The following PTPRD variants were observed in gnomAD, a reference collection of about 807,000 sequenced individuals.
PTPRD encodes protein tyrosine phosphatase receptor type D.
A neutral mutation model predicts 214.5 loss-of-function variants in PTPRD; 34 were observed. The ratio of observed to expected loss-of-function variants is 0.16; its 90% confidence interval spans 0.12 to 0.21. The LOEUF (loss-of-function observed/expected upper bound fraction) is 0.21, where lower values mean the gene tolerates loss of function less well. Ranked by LOEUF, PTPRD falls within the 10% of genes least tolerant of loss-of-function variation. The probability of loss-of-function intolerance (pLI) is 1.00; values close to 1 mark genes in which losing one functional copy is unlikely to be tolerated. For missense variants in PTPRD, 2,545 were observed against 2,398.7 expected (o/e 1.06, Z -1.27); for synonymous variants, 1,128 against 845.7 (o/e 1.33, Z -5.79).
chr9:9,057,456 T>C (rs1461427225), intron 10 of PTPRD, among the ~76,000 whole-genome samples: 1 of 152,194 alleles, frequency 6.6e-6, no homozygotes, highest in Non-Finnish European at 1.5e-5. Flanking sequence ...GATTTTACTT[T>C]GAAAACTATA....
chr9:8,951,850 A>G (rs566704825), intron 11 of PTPRD, among the ~76,000 whole-genome samples: 1 of 152,152 alleles, frequency 6.6e-6, no homozygotes, highest in South Asian at 2.1e-4. Context: ...TTCACACAGC[A>G]GTGAAAATTT....
chr9:8,415,607 G>A (rs77845437), intron 35 of PTPRD, among the ~76,000 whole-genome samples: 11,801 of 151,930 alleles, frequency 0.078, 863 homozygotes, highest in African/African-American at 0.19. Context: ...ACCATGATAC[G>A]TGTCTCCAAA....
chr9:8,326,398 C>G (rs1342092828), intron 44 of PTPRD, among the ~76,000 whole-genome samples: 2 of 151,984 alleles, frequency 1.3e-5, no homozygotes, highest in Admixed American at 6.6e-5. Context: ...GTTGAACAAG[C>G]CTTGCATCCC....
chr9:8,677,616 C>G (rs2097455417), intron 12 of PTPRD, among the ~76,000 whole-genome samples: 1 of 152,130 alleles, frequency 6.6e-6, no homozygotes. Flanking sequence ...CCGTGGCACA[C>G]AATTTATCTA....
In PTPRD at chr9:10,395,954, T is replaced by TGAGAGAGAGAGAGAGAGAGACAGAGAGA. The variant is rs2098161493; in HGVS notation, c.-599-54938_-599-54937insTCTCTCTGTCTCTCTCTCTCTCTCTCTC. Among the ~76,000 whole-genome samples the TGAGAGAGAGAGAGAGAGAGACAGAGAGA allele has an allele frequency of 3.0e-5, 4 of 134,378 alleles. No homozygotes were observed. The East Asian group carries it at 9.1e-4, about 30-fold the overall frequency. 88.2% of individuals were successfully genotyped at this position (134,378 alleles called of 152,430 possible). On this transcript the variant is annotated intron_variant, in intron 2 of 45. Coordinates refer to ENST00000381196, the MANE Select transcript of PTPRD (RefSeq NM_002839.4). Reference sequence around the variant, plus strand: ...AAGCCACAGAGGGACATAGAGAGAATGAGAGAGAGAGAGAGAGAGAGAGAG... The same window carrying TGAGAGAGAGAGAGAGAGAGACAGAGAGA: ...AAGCCACAGAGGGACATAGAGAGAATGAGAGAGAGAGAGAGAGAGACAGAGAGAGAGAGAGAGAGAGAGAGAGAGAGAG...
chr9:10,164,503 C>A (rs1260501057), intron 3 of PTPRD, among the ~76,000 whole-genome samples: 5 of 151,340 alleles, frequency 3.3e-5, no homozygotes, highest in African/African-American at 1.2e-4. Flanking sequence ...TTACAAGGGG[C>A]AGTATGGAAG....
intron 14 of PTPRD, among the ~76,000 whole-genome samples, chr9:8,615,382 T>C (rs1255914095): frequency 2.0e-5 from 3 of 152,254 alleles, no homozygotes; most frequent in African/African-American, 7.2e-5. Flanking sequence ...GTGCTTACTT[T>C]GAGAAAAAGT....
intron 3 of PTPRD, among the ~76,000 whole-genome samples, chr9:10,182,371 A>C (rs935652752): frequency 6.6e-6 from 1 of 152,094 alleles, no homozygotes; most frequent in African/African-American, 2.4e-5. Context: ...GTATGGATAA[A>C]AGCATCAGAG....
At chr9:8,321,477 GTGTGTGTGTGTATATATA>G (rs1329000933) in intron 44 of PTPRD, among the ~76,000 whole-genome samples, 48 of 75,388 alleles carry the variant, frequency 6.4e-4, no homozygotes, top group South Asian at 2.6e-3. Context: ...GTGTGTGTGT[GTGTGTGTGTGTATATATA>G]TATATATATA....
chr9:10,406,779 C>A (rs1370517826), intron 2 of PTPRD, among the ~76,000 whole-genome samples: 1 of 149,694 alleles, frequency 6.7e-6, no homozygotes, highest in Non-Finnish European at 1.5e-5. Context: ...CATGGGTGAG[C>A]AAGAAAAATA....
chr9:9,288,835 T>C (rs1012549624), intron 9 of PTPRD, among the ~76,000 whole-genome samples: 1 of 151,820 alleles, frequency 6.6e-6, no homozygotes, highest in South Asian at 2.1e-4. Context: ...CTCATGATAG[T>C]AGGCGAGTTC....
chr9:9,039,156 A>G (rs2099631474), intron 10 of PTPRD, among the ~76,000 whole-genome samples: 1 of 152,210 alleles, frequency 6.6e-6, no homozygotes, highest in Admixed American at 6.5e-5. Flanking sequence ...TATACCTTAA[A>G]CAGGAAGAAT....
At chr9:9,747,514 T>C (rs1411183729) in intron 6 of PTPRD, among the ~76,000 whole-genome samples, 3 of 150,354 alleles carry the variant, frequency 2.0e-5, no homozygotes, top group Non-Finnish European at 4.4e-5. Flanking sequence ...TGCCTCAGAT[T>C]ATACCTGGTG....
chr9:10,133,728 T>C (rs1277513191), intron 3 of PTPRD, among the ~76,000 whole-genome samples: 1 of 152,172 alleles, frequency 6.6e-6, no homozygotes, highest in Non-Finnish European at 1.5e-5. Flanking sequence ...GTGCCTGTTT[T>C]AAATAATTTT....
intron 8 of PTPRD, among the ~76,000 whole-genome samples, chr9:9,564,012 G>T (rs1040412392): frequency 2.0e-5 from 3 of 152,070 alleles, no homozygotes; most frequent in Admixed American, 2.0e-4. Flanking sequence ...GTAGGTGAGA[G>T]CTTGGGTTGT....
chr9:10,508,203 C>T (rs991902104), intron 2 of PTPRD, among the ~76,000 whole-genome samples: 1 of 152,188 alleles, frequency 6.6e-6, no homozygotes, highest in Non-Finnish European at 1.5e-5. Flanking sequence ...AAATGCTCAT[C>T]AGCACTGGCC....
intron 8 of PTPRD, among the ~76,000 whole-genome samples, chr9:9,508,642 C>T (rs2096626842): frequency 1.3e-5 from 2 of 151,628 alleles, no homozygotes; most frequent in South Asian, 4.1e-4. Context: ...TTGCTTCTTT[C>T]TCCACTACAT....
chr9:10,490,593 T>G (rs2039881633), intron 2 of PTPRD, among the ~76,000 whole-genome samples: 1 of 152,202 alleles, frequency 6.6e-6, no homozygotes, highest in South Asian at 2.1e-4. Context: ...TAGTTTGGCT[T>G]GAAATTTAAA....
chr9:8,420,104 T>C (rs903373776), intron 35 of PTPRD, among the ~76,000 whole-genome samples: 5 of 152,148 alleles, frequency 3.3e-5, no homozygotes, highest in African/African-American at 4.8e-5. Context: ...GTAAAACTCA[T>C]AGCTGCATAC....
Sources: gnomAD v4.1 joint callset for allele counts (sites outside exome capture counted in the v4.1 genomes callset) on GRCh38, gnomAD v4.1.1 for gene constraint, MANE v1.5 for transcripts, NCBI Gene and HGNC (gene_info 2026-07-23, HGNC 2026-07-21) for gene names.